Variants in PDE10A observed in about 807,000 individuals in gnomAD.
PDE10A encodes the protein cAMP and cAMP-inhibited cGMP 3',5'-cyclic phosphodiesterase 10A.
A neutral mutation model predicts 97.7 loss-of-function variants in PDE10A; 39 were observed. The ratio of observed to expected loss-of-function variants is 0.40; its 90% CI spans 0.31 to 0.52. The LOEUF (loss-of-function observed/expected upper bound fraction) is 0.52, where lower values mean the gene tolerates loss of function less well. Ranked by LOEUF, PDE10A falls within the 20% of genes least tolerant of loss-of-function variation. The probability of loss-of-function intolerance (pLI) is 0.56; values close to 1 mark genes in which losing one functional copy is unlikely to be tolerated. For synonymous variants in PDE10A, 371 were observed against 376.8 expected (o/e 0.98, Z 0.18); for missense variants, 731 against 1,047.8 (o/e 0.70, Z 4.17).
At chr6:165,493,732 C>T (rs537994094) in intron 2 of PDE10A, among the ~76,000 whole-genome samples, 6 of 152,168 alleles carry the variant, frequency 3.9e-5, no homozygotes, top group Non-Finnish European at 8.8e-5. Flanking sequence ...TAGAAGATAA[C>T]ATTGGAAAAA....
chr6:165,663,124 G>A lies in PDE10A; in HGVS notation c.-313C>T, dbSNP rs1218377142. 6.6e-6 allele frequency among the ~76,000 whole-genome samples: 1 copy of A among 151,766 alleles called. No homozygotes were observed. The highest frequency in any genetic ancestry group is 6.6e-5 in the Admixed American group (1 of 15,254). Reference sequence around the variant, plus strand: ...GAGACCCTCCCTGCAGGCGTGGCGTGGTGTGTGCGCGCTCCGGCGGCTGAG... The same window carrying A: ...GAGACCCTCCCTGCAGGCGTGGCGTAGTGTGTGCGCGCTCCGGCGGCTGAG... On this transcript the variant is annotated 5_prime_UTR_variant, in exon 1 of 22. Transcript: ENST00000539869.
intron 1 of PDE10A, among the ~76,000 whole-genome samples, chr6:165,779,243 C>T (rs1223527916): frequency 1.3e-5 from 2 of 152,168 alleles, no homozygotes; most frequent in Non-Finnish European, 2.9e-5. Context: ...TCCTTGAATG[C>T]TCTCCTTCTT....
intron 1 of PDE10A, among the ~76,000 whole-genome samples, chr6:165,619,414 G>C (rs200223895): frequency 4.5e-3 from 187 of 41,202 alleles, no homozygotes; most frequent in Non-Finnish European, 6.6e-3. Flanking sequence ...GTAGTCTAGT[G>C]TAGTGTAGTG....
chr6:165,538,980 T>G (rs1562561783), intron 2 of PDE10A, among the ~76,000 whole-genome samples: 1 of 152,216 alleles, frequency 6.6e-6, no homozygotes, highest in Non-Finnish European at 1.5e-5. Context: ...TTTCTTTATT[T>G]TCCTACATTT....
At chr6:165,981,112 CAT>C (rs1042443992) in intron 1 of PDE10A, among the ~76,000 whole-genome samples, 5 of 152,010 alleles carry the variant, frequency 3.3e-5, no homozygotes, top group African/African-American at 1.2e-4. Flanking sequence ...GGCAAACAGA[CAT>C]ATAAATGTAG....
intron 15 of PDE10A, among the ~76,000 whole-genome samples, chr6:165,394,236 G>T (rs1186261326): frequency 6.6e-6 from 1 of 151,912 alleles, no homozygotes; most frequent in Admixed American, 6.6e-5. Flanking sequence ...TCCCCCAACA[G>T]GCCCCAGTGT....
chr6:165,938,878 A>G (rs1438418244), intron 1 of PDE10A, among the ~76,000 whole-genome samples: 1 of 152,230 alleles, frequency 6.6e-6, no homozygotes, highest in Non-Finnish European at 1.5e-5. Context: ...ACTAGAAATA[A>G]AATTCTATTT....
intron 1 of PDE10A, among the ~76,000 whole-genome samples, chr6:165,742,742 G>GCATC (rs1792757361): frequency 6.6e-6 from 1 of 152,052 alleles, no homozygotes; most frequent in South Asian, 2.1e-4. Flanking sequence ...CAGCTACCCT[G>GCATC]CATCCATCCA....
intron 1 of PDE10A, among the ~76,000 whole-genome samples, chr6:165,683,467 T>C (rs147082932): frequency 2.6e-5 from 4 of 152,302 alleles, no homozygotes; most frequent in South Asian, 2.1e-4. Flanking sequence ...CAACAAGCTA[T>C]CTTTGCAGTC....
intron 1 of PDE10A, among the ~76,000 whole-genome samples, chr6:165,867,912 T>C (rs1562774569): frequency 6.6e-6 from 1 of 152,082 alleles, no homozygotes; most frequent in Non-Finnish European, 1.5e-5. Flanking sequence ...ATTAAACATG[T>C]TCCTTAACGA....
At chr6:165,780,407 A>C (rs768491437) in intron 1 of PDE10A, 2 of 152,228 alleles carry the variant, frequency 1.3e-5, no homozygotes, top group Non-Finnish European at 2.9e-5. Flanking sequence ...TAATTTGTAA[A>C]TGCTCTTAAA....
At position 165,731,280 on chromosome 6, in the gene PDE10A, CG is replaced by C. The variant is rs988330884; in HGVS notation, c.-614-187713del. On this transcript the variant is annotated intron_variant, in intron 1 of 19. Coordinates refer to the PDE10A transcript ENST00000366882. Reference sequence around the variant, plus strand: ...GAGTCAAAACACACTGAGCCCTGTACGGGGGGAAAAGTGCCCTGTATGGGGA... The same window carrying C: ...GAGTCAAAACACACTGAGCCCTGTACGGGGGAAAAGTGCCCTGTATGGGGA... Among the ~76,000 whole-genome samples, 31 of 152,120 alleles carry C rather than the reference CG, an allele frequency of 2.0e-4. 1 individual carries two copies. Among genetic ancestry groups the C allele is most frequent in the Admixed American group, 1.6e-3 (24 of 15,288 alleles).
At chr6:165,416,374 AG>A in intron 11 of PDE10A, 93 bp from the exon 12 acceptor site, 1 of 859,136 alleles carries the variant, frequency 1.2e-6, no homozygotes, top group Non-Finnish European at 2.0e-6. Context: ...TTGAATTAAA[AG>A]CACTGTTTTA....
chr6:165,882,851 T>C (rs936308687), intron 1 of PDE10A, among the ~76,000 whole-genome samples: 2 of 152,060 alleles, frequency 1.3e-5, no homozygotes, highest in African/African-American at 2.4e-5. Context: ...CTAGAATTTT[T>C]TGGTGCTTTG....
At chr6:165,422,947 T>C (rs1163221604) in intron 10 of PDE10A, among the ~76,000 whole-genome samples, 1 of 152,130 alleles carries the variant, frequency 6.6e-6, no homozygotes, top group African/African-American at 2.4e-5. Flanking sequence ...TAAAAAAAAT[T>C]AGGAAACAAA....
At chr6:165,461,723 C>A (rs1778338668) in intron 3 of PDE10A, among the ~76,000 whole-genome samples, 1 of 152,202 alleles carries the variant, frequency 6.6e-6, no homozygotes, top group African/African-American at 2.4e-5. Flanking sequence ...AATCAAATGG[C>A]CGATCACCTA....
intron 1 of PDE10A, among the ~76,000 whole-genome samples, chr6:165,691,171 T>TTC (rs1281452238): frequency 1.2e-4 from 1 of 8,448 alleles, no homozygotes; most frequent in African/African-American, 3.6e-4. Flanking sequence ...CTCTCTTTCT[T>TTC]TCTCTCTCTC....
chr6:165,945,249 T>A (rs1173910580), intron 1 of PDE10A, among the ~76,000 whole-genome samples: 1 of 152,136 alleles, frequency 6.6e-6, no homozygotes, highest in East Asian at 1.9e-4. Flanking sequence ...AATCAGTTCC[T>A]CCAGCCCCAG....
intron 1 of PDE10A, among the ~76,000 whole-genome samples, chr6:165,676,619 C>T (rs184262080): frequency 2.8e-4 from 43 of 152,016 alleles, no homozygotes; most frequent in Middle Eastern, 3.4e-3. Context: ...CACCCAGGCC[C>T]ATGTGCCTGG....
Sources: gnomAD v4.1 joint callset for allele counts (sites outside exome capture counted in the v4.1 genomes callset) on GRCh38, gnomAD v4.1.1 for gene constraint, MANE v1.5 for transcripts, NCBI Gene and HGNC (gene_info 2026-07-23, HGNC 2026-07-21) for gene names.